Variants in PPP4R1 observed in about 807,000 individuals in gnomAD.
The protein encoded by PPP4R1 is serine/threonine-protein phosphatase 4 regulatory subunit 1.
PPP4R1 carries 42 observed loss-of-function variants against 111.2 expected under a neutral mutation model. The ratio of observed to expected loss-of-function variants is 0.38; its 90% CI spans 0.29 to 0.49. The LOEUF (loss-of-function observed/expected upper bound fraction) is 0.49. PPP4R1 is among the 20% of genes least tolerant of loss of function. The pLI, the probability that PPP4R1 is intolerant of heterozygous loss-of-function variation, is 0.97. For missense variants in PPP4R1, 1,012 were observed against 1,161.6 expected (o/e 0.87, Z 1.87); for synonymous variants, 409 against 405.5 (o/e 1.01, Z -0.10).
chr18:9,581,284 A>G (rs1266941716), intron 9 of PPP4R1, among the ~76,000 whole-genome samples: 1 of 152,222 alleles, frequency 6.6e-6, no homozygotes, highest in Non-Finnish European at 1.5e-5. Flanking sequence ...TATTATAAAC[A>G]TGTTCACAGA....
intron 11 of PPP4R1, 56 bp downstream of exon 11, chr18:9,570,101 T>C (rs1278394531): frequency 2.0e-6 from 3 of 1,466,140 alleles, no homozygotes; most frequent in South Asian, 1.5e-5. Context: ...TTTTTTAAGA[T>C]AGACACTAAT....
chr18:9,588,666 A>G, intron 5 of PPP4R1, 45 bp downstream of exon 5: 1 of 1,517,576 alleles, frequency 6.6e-7, no homozygotes, highest in Non-Finnish European at 9.0e-7. Flanking sequence ...TCCATATATT[A>G]CACTACGTAA....
chr18:9,594,395 T>C (rs1315055909), intron 3 of PPP4R1, among the ~76,000 whole-genome samples: 1 of 152,230 alleles, frequency 6.6e-6, no homozygotes, highest in Non-Finnish European at 1.5e-5. Context: ...TTTTTTTTAA[T>C]CTTTATCTAA....
intron 15 of PPP4R1, among the ~76,000 whole-genome samples, chr18:9,556,188 A>T (rs1394643798): frequency 2.0e-5 from 3 of 149,872 alleles, no homozygotes; most frequent in South Asian, 4.2e-4. Flanking sequence ...AAATGGTCTC[A>T]ATGTTTTTGT....
chr18:9,612,528 G>A (rs2067599490), intron 2 of PPP4R1: 1 of 152,126 alleles, frequency 6.6e-6, no homozygotes, highest in African/African-American at 2.4e-5. Context: ...TGCTTCTTGG[G>A]GGCTAAGGAA....
Position 9,583,111 on chromosome 18 carries a change from C to A in PPP4R1, c.918+6G>T, listed in dbSNP as rs1213748295. On this transcript the variant is annotated splice_donor_region_variant and intron_variant, in intron 9 of 19. Coordinates refer to ENST00000400556, the MANE Select transcript of PPP4R1 (RefSeq NM_001042388.3). Reference sequence around the variant, plus strand: ...TATTTTACAAAAGTGATAATCAAAACCCTACCCAACGTGAAGGATCACTGA... The same window carrying A: ...TATTTTACAAAAGTGATAATCAAAAACCTACCCAACGTGAAGGATCACTGA... 1.2e-6 allele frequency: 2 copies of A among 1,601,488 alleles called. No homozygotes were observed. Among genetic ancestry groups the A allele is most frequent in the Non-Finnish European group, 1.7e-6 (2 of 1,171,792 alleles).
chr18:9,604,096 T>A (rs540471437), intron 2 of PPP4R1, among the ~76,000 whole-genome samples: 4 of 152,226 alleles, frequency 2.6e-5, no homozygotes, highest in African/African-American at 9.6e-5. Flanking sequence ...ATATTTATAA[T>A]ACATTAGAAA....
intron 15 of PPP4R1, among the ~76,000 whole-genome samples, chr18:9,555,361 C>T (rs1203730747): frequency 6.6e-6 from 1 of 151,972 alleles, no homozygotes; most frequent in Non-Finnish European, 1.5e-5. Context: ...TAGAAAATCA[C>T]TCTTTCACAA....
rs376669408 is a variant in PPP4R1 at position 9,583,271 on chromosome 18, G to C, written c.764C>G (p.Pro255Arg). 1 of 1,557,654 alleles carries C rather than the reference G, an allele frequency of 6.4e-7. No homozygotes were observed. The highest frequency in any genetic ancestry group is 1.4e-5 in the African/African-American group (1 of 73,220). ...GQQATEEMLL[P>R]RFFQLCSDNV... The stretch of plus-strand genomic sequence containing the variant: ...ATCAGAACAAAGCTGGAAAAATCTG[G>C]GCAGCTATGTGAAAAGGAAAGAGTC... Residue 255 changes from proline (P) to arginine (R), a missense_variant, in exon 9 of 20, where the codon CCC becomes CGC. Pro to Arg is a moderately radical substitution (Grantham distance 103). Transcript: ENST00000400556.
chr18:9,549,173 T>G (rs1423405776), intron 19 of PPP4R1, 24 bp downstream of exon 19: 1 of 1,602,166 alleles, frequency 6.2e-7, no homozygotes, highest in Non-Finnish European at 8.5e-7. Context: ...CTCACACGCT[T>G]CTTCTAGTGG....
intron 11 of PPP4R1, among the ~76,000 whole-genome samples, chr18:9,569,051 C>T (rs1372407126): frequency 6.6e-6 from 1 of 151,426 alleles, no homozygotes; most frequent in East Asian, 1.9e-4. Flanking sequence ...AAAAAAGTAG[C>T]TGGGTGCAGT....
intron 2 of PPP4R1, among the ~76,000 whole-genome samples, chr18:9,606,523 G>A (rs1019745619): frequency 6.6e-6 from 1 of 152,130 alleles, no homozygotes; most frequent in Non-Finnish European, 1.5e-5. Context: ...TTTGTACTTT[G>A]CAATAATATA....
chr18:9,614,616 G>A, upstream of PPP4R1: 1 of 430,292 alleles, frequency 2.3e-6, no homozygotes, highest in Non-Finnish European at 3.0e-6. The surrounding 1 kb of genome is among the most constrained non-coding windows in gnomAD (Gnocchi z 4.1). Context: ...GGGGGCGCGC[G>A]CGCGGGGCGG....
intron 9 of PPP4R1, among the ~76,000 whole-genome samples, chr18:9,577,966 CATA>C (rs1449846580): frequency 2.0e-5 from 3 of 152,150 alleles, no homozygotes; most frequent in African/African-American, 7.2e-5. Flanking sequence ...GTACCAGAAA[CATA>C]ATGTTAACTT....
intron 2 of PPP4R1, among the ~76,000 whole-genome samples, chr18:9,603,392 GTTAT>G (rs2067425039): frequency 1.3e-5 from 2 of 152,088 alleles, no homozygotes; most frequent in Admixed American, 1.3e-4. Flanking sequence ...TTGATAAAAT[GTTAT>G]TTACTAGGTT....
intron 6 of PPP4R1, chr18:9,587,413 G>GT (rs1273581233): frequency 3.9e-5 from 4 of 102,190 alleles, no homozygotes; most frequent in South Asian, 3.2e-4. Context: ...TTTTTGTTTT[G>GT]TTTTTTTAAG....
intron 2 of PPP4R1, among the ~76,000 whole-genome samples, chr18:9,601,205 T>G (rs1185403795): frequency 3.2e-5 from 2 of 61,788 alleles, no homozygotes; most frequent in Non-Finnish European, 5.8e-5. Flanking sequence ...GTTACTGTTG[T>G]TTTTTTTTTT....
In PPP4R1 at chr18:9,599,216, G is replaced by A. The variant is rs183475604; in HGVS notation, c.53-4063C>T. ...CTATAATAGCACAAAGGCAGGAAAA[G>A]GGTAAAGTATACTGTTATAAAGCTC... On this transcript the variant is annotated intron_variant, in intron 2 of 19. Transcript: ENST00000400556. Among the ~76,000 whole-genome samples the A allele has an allele frequency of 5.0e-3, 761 of 152,222 alleles. 2 individuals carry two copies. Among genetic ancestry groups the A allele is most frequent in the Non-Finnish European group, 6.5e-3 (443 of 68,010 alleles).
intron 10 of PPP4R1, among the ~76,000 whole-genome samples, chr18:9,576,253 G>C (rs1487173125): frequency 6.6e-6 from 1 of 152,146 alleles, no homozygotes; most frequent in Non-Finnish European, 1.5e-5. Flanking sequence ...GGAGGGAAAA[G>C]ACACTATGGT....
Sources: gnomAD v4.1 joint callset for allele counts (sites outside exome capture counted in the v4.1 genomes callset) on GRCh38, gnomAD v4.1.1 for gene constraint, Gnocchi (gnomAD v3.1) non-coding constraint, MANE v1.5 for transcripts, NCBI Gene and HGNC (gene_info 2026-07-23, HGNC 2026-07-21) for gene names.